GPR149: variants seen among roughly 807,000 people sequenced by gnomAD.
The protein encoded by GPR149 is G protein-coupled receptor 149, also known as probable G protein-coupled receptor 149.
GPR149 carries 50 observed loss-of-function variants against 50.2 expected under a neutral mutation model. The ratio of observed to expected loss-of-function variants is 1.00; its 90% CI spans 0.79 to 1.26. The LOEUF is 1.26. GPR149 is among the 50% of genes most tolerant of loss of function. The pLI is 0.00. For missense variants in GPR149, 983 were observed against 895.4 expected, an observed-to-expected ratio of 1.10 and a Z score of -1.25; for synonymous variants, 405 against 358.2, an observed-to-expected ratio of 1.13 and a Z score of -1.48.
chr3:154,348,758 A>G (rs919482451), intron 3 of GPR149, among the ~76,000 whole-genome samples: 4 of 152,162 alleles, frequency 2.6e-5, no homozygotes, highest in African/African-American at 9.6e-5. Context: ...TCTAATCAAC[A>G]TTTGTAGAAA....
At chr3:154,372,788 G>A (rs1576911142) in intron 3 of GPR149, among the ~76,000 whole-genome samples, 1 of 152,118 alleles carries the variant, frequency 6.6e-6, no homozygotes, top group Admixed American at 6.5e-5. Context: ...TGTGAGTTGC[G>A]GCAGAGAAAG....
At chr3:154,377,061 A>G (rs1714808548) in intron 3 of GPR149, among the ~76,000 whole-genome samples, 1 of 148,888 alleles carries the variant, frequency 6.7e-6, no homozygotes, top group Admixed American at 6.8e-5. Flanking sequence ...AAAAAAAAAA[A>G]GAGGATAACA....
chr3:154,347,418 T>C (rs761535369), intron 3 of GPR149, among the ~76,000 whole-genome samples: 12 of 152,150 alleles, frequency 7.9e-5, no homozygotes, highest in Admixed American at 3.3e-4. Context: ...TCAGATCTCA[T>C]GAGAATCCAC....
At chr3:154,341,314 TATATATA>T (rs1309946705) in intron 3 of GPR149, among the ~76,000 whole-genome samples, 1 of 60,022 alleles carries the variant, frequency 1.7e-5, no homozygotes, top group Non-Finnish European at 3.7e-5. Context: ...TATATATATA[TATATATA>T]TATATATATA....
chr3:154,429,489 T>C lies in GPR149; in HGVS notation c.127A>G (p.Met43Val), dbSNP rs746635210. The C allele has an allele frequency of 5.6e-6, 9 of 1,614,144 alleles. No homozygotes were observed. Among genetic ancestry groups the C allele is most frequent in the Non-Finnish European group, 6.8e-6 (8 of 1,180,028 alleles). The change falls in exon 1 of 4, where the codon ATG (methionine) becomes GTG (valine). Residue 43 changes from methionine (M) to valine (V), a missense_variant. By Grantham distance (21) the Met-to-Val change is conservative (BLOSUM62 1). Transcript: ENST00000389740. ...CTGCCCACCAAGGCTGCAAAAGTCA[T>C]GAGACATGTCAAGCAAAAAAGATAG... is the stretch of plus-strand genomic sequence containing the variant. ...NIYLFCLTCL[M>V]TFAALVGSIY... is the part of the protein sequence containing the mutation.
intron 3 of GPR149, among the ~76,000 whole-genome samples, chr3:154,416,880 T>A (rs1712007725): frequency 6.6e-6 from 1 of 151,998 alleles, no homozygotes; most frequent in South Asian, 2.1e-4. Flanking sequence ...CCTATAATGA[T>A]AGGATTGTAA....
At chr3:154,359,564 T>C (rs1034488347) in intron 3 of GPR149, among the ~76,000 whole-genome samples, 7 of 152,188 alleles carry the variant, frequency 4.6e-5, no homozygotes, top group Admixed American at 1.3e-4. Flanking sequence ...ACAGAGGTCG[T>C]GGTTATTCAG....
At chr3:154,378,760 G>A (rs1714853814) in intron 3 of GPR149, among the ~76,000 whole-genome samples, 1 of 152,196 alleles carries the variant, frequency 6.6e-6, no homozygotes, top group East Asian at 1.9e-4. Context: ...CCATTTTTGT[G>A]GGTGTGTAGT....
intron 1 of GPR149, 30 bp downstream of exon 1, chr3:154,428,605 C>G (rs770850023): frequency 6.3e-7 from 1 of 1,594,696 alleles, no homozygotes; most frequent in Non-Finnish European, 8.5e-7. Flanking sequence ...GGCACACACA[C>G]TCGCGCTTTG....
intron 3 of GPR149, among the ~76,000 whole-genome samples, chr3:154,410,763 G>A (rs529301482): frequency 3.9e-5 from 6 of 152,138 alleles, no homozygotes; most frequent in South Asian, 4.2e-4. Flanking sequence ...AATACTCCAC[G>A]GACAGCACTA....
chr3:154,411,130 A>G (rs1245610347), intron 3 of GPR149, among the ~76,000 whole-genome samples: 1 of 152,158 alleles, frequency 6.6e-6, no homozygotes, highest in East Asian at 1.9e-4. Flanking sequence ...AAATTTAAAA[A>G]TTCTTTGAAC....
intron 3 of GPR149, among the ~76,000 whole-genome samples, chr3:154,373,045 A>G (rs1357367475): frequency 6.6e-6 from 1 of 152,172 alleles, no homozygotes; most frequent in Non-Finnish European, 1.5e-5. Flanking sequence ...TCTGGAATAT[A>G]TATTTCAGTA....
intron 3 of GPR149, among the ~76,000 whole-genome samples, chr3:154,358,415 T>C (rs966711215): frequency 6.6e-6 from 1 of 152,144 alleles, no homozygotes; most frequent in Non-Finnish European, 1.5e-5. Context: ...AATCACTTTT[T>C]TTCCTTGAAA....
intron 2 of GPR149, among the ~76,000 whole-genome samples, chr3:154,423,803 A>G (rs895221630): frequency 1.3e-5 from 2 of 151,754 alleles, no homozygotes; most frequent in African/African-American, 4.8e-5. Flanking sequence ...AATATAAAAT[A>G]AAAAGTGTCT....
At chr3:154,419,220 A>G (rs1030010007) in intron 3 of GPR149, among the ~76,000 whole-genome samples, 5 of 152,080 alleles carry the variant, frequency 3.3e-5, no homozygotes, top group African/African-American at 1.2e-4. Context: ...AAAGTTTTAT[A>G]CTTTACATAA....
intron 3 of GPR149, among the ~76,000 whole-genome samples, chr3:154,349,533 G>T (rs1714017898): frequency 6.6e-6 from 1 of 152,144 alleles, no homozygotes; most frequent in Admixed American, 6.6e-5. Flanking sequence ...CTACTACAAT[G>T]TGCCAAATGC....
intron 3 of GPR149, among the ~76,000 whole-genome samples, chr3:154,386,330 A>G (rs1715044157): frequency 6.6e-6 from 1 of 152,200 alleles, no homozygotes; most frequent in South Asian, 2.1e-4. Flanking sequence ...ATCATTTCTA[A>G]AGACGCAAGA....
intron 2 of GPR149, among the ~76,000 whole-genome samples, 188 bp downstream of exon 2, chr3:154,427,327 GC>G (rs1712331093): frequency 6.6e-6 from 1 of 151,798 alleles, no homozygotes; most frequent in Admixed American, 6.6e-5. Context: ...TTCAAAACCA[GC>G]TGAATTTAAA....
rs1378840918 is a variant in GPR149 at position 154,421,146 on chromosome 3, T to C, written c.1516A>G (p.Thr506Ala). The stretch of plus-strand genomic sequence containing the variant: ...CTTCTTTCTGGCCCTTCAGAAAAGG[T>C]AGTTTCTTCATAGTTAATATCACCT... ...TGGDINYEET[T>A]FSEGPERRLS... Residue 506 changes from threonine to alanine, a missense_variant, in exon 3 of 4, where the codon ACC becomes GCC. Thr to Ala is a moderately conservative substitution (Grantham distance 58, BLOSUM62 0). Transcript: ENST00000389740. 1.2e-6 allele frequency: 2 copies of C among 1,613,418 alleles called. No individual in the cohort carries two copies. Among genetic ancestry groups the C allele is most frequent in the Non-Finnish European group, 8.5e-7 (1 of 1,179,522 alleles).
Sources: allele counts gnomAD v4.1 joint callset (sites outside exome capture counted in the v4.1 genomes callset), GRCh38; gene constraint gnomAD v4.1.1; transcripts MANE v1.5; gene names NCBI Gene and HGNC (gene_info 2026-07-23, HGNC 2026-07-21).